The following KLF10 variants were observed in gnomAD, a reference collection of about 807,000 sequenced individuals.
KLF10 encodes KLF transcription factor 10.
KLF10 carries 17 observed loss-of-function variants against 31.6 expected under a neutral mutation model. The ratio of observed to expected loss-of-function variants is 0.54; its 90% CI spans 0.37 to 0.81. The LOEUF (loss-of-function observed/expected upper bound fraction) is 0.81. KLF10 is among the 30% of genes least tolerant of loss of function. The probability of loss-of-function intolerance (pLI) is 0.00; values close to 1 mark genes in which losing one functional copy is unlikely to be tolerated. For missense variants in KLF10, 525 were observed against 598.1 expected, an observed-to-expected ratio of 0.88 and a Z score of 1.27; for synonymous variants, 239 against 215.1, an observed-to-expected ratio of 1.11 and a Z score of -0.97.
chr8:102,653,430 A>G, intron 1 of KLF10: 1 of 1,507,056 alleles, frequency 6.6e-7, no homozygotes, highest in East Asian at 2.5e-5. Context: ...TTTATAGTAA[A>G]GTTCTTTGAA....
intron 1 of KLF10, chr8:102,653,472 T>A (rs1361567202): frequency 6.5e-7 from 1 of 1,548,844 alleles, no homozygotes; most frequent in African/African-American, 1.4e-5. Context: ...CTACTCACCA[T>A]TTCTCCTATT....
chr8:102,654,431 C>A (rs1363498254), intron 1 of KLF10: 1 of 151,116 alleles, frequency 6.6e-6, no homozygotes. Context: ...CTGGGTCACT[C>A]GGGGACGAGA....
chr8:102,652,665 G>A (rs1182510349), intron 1 of KLF10, among the ~76,000 whole-genome samples: 1 of 152,046 alleles, frequency 6.6e-6, no homozygotes, highest in African/African-American at 2.4e-5. Flanking sequence ...CTGATAAAGC[G>A]ATATCCGTTC....
chr8:102,654,000 C>T, intron 1 of KLF10: 1 of 985,026 alleles, frequency 1.0e-6, no homozygotes. Flanking sequence ...ACATTCCTCG[C>T]CGCTCGCACG....
chr8:102,651,955 G>A lies in KLF10; in HGVS notation c.377C>T (p.Ala126Val), dbSNP rs759149957. ...TVHFKSLSDT[A>V]KPHIAAPFKE... ...GAAAGGTGCGGCAATGTGAGGTTTGGCAGTATCTGAGAGTGACTTGAAGTG... is the reference window on the plus strand; with the variant it reads ...GAAAGGTGCGGCAATGTGAGGTTTGACAGTATCTGAGAGTGACTTGAAGTG... The change falls in exon 3 of 4, where the codon GCC (alanine) becomes GTC (valine). Residue 126 changes from alanine (A) to valine (V), a missense_variant. This residue lies in a region of KLF10 where 434 missense variants were observed against 450.7 expected (regional missense o/e 0.96). Coordinates refer to ENST00000285407, the MANE Select transcript of KLF10 (RefSeq NM_005655.4). 6.2e-7 allele frequency: 1 copy of A among 1,614,032 alleles called. No homozygotes were observed. The highest frequency in any genetic ancestry group is 1.1e-5 in the South Asian group (1 of 91,074).
At chr8:102,653,891 C>T in intron 1 of KLF10, 1 of 619,498 alleles carries the variant, frequency 1.6e-6, no homozygotes, top group Non-Finnish European at 1.8e-6. Flanking sequence ...GGGAGGCAGA[C>T]GAGGGGCGGG....
At position 102,655,668 on chromosome 8, in the gene KLF10, CG is replaced by C; in HGVS notation, c.-68del. On this transcript the variant is annotated 5_prime_UTR_variant, in exon 1 of 4. Transcript: ENST00000285407. ...AGGCTGCTGGCTGCTTGGCCACAGACGGGCGCACGGAGACACTCGACGCCGC... is the reference window on the plus strand; with the variant it reads ...AGGCTGCTGGCTGCTTGGCCACAGACGGCGCACGGAGACACTCGACGCCGC... 6.3e-7 allele frequency: 1 copy of C among 1,580,680 alleles called. No homozygotes were observed. Among genetic ancestry groups the C allele is most frequent in the Non-Finnish European group, 8.6e-7 (1 of 1,156,586 alleles).
At position 102,649,797 on chromosome 8, in the gene KLF10, T is replaced by C. The variant is rs1406935701; in HGVS notation, c.*335A>G. On this transcript the variant is annotated 3_prime_UTR_variant, in exon 4 of 4. Coordinates refer to ENST00000285407, the MANE Select transcript of KLF10 (RefSeq NM_005655.4). ...ATCACATTGAAAAGTTGGTCTCAAG[T>C]ATAAACAGCAAAAGTAAAGTAACAA... 3.5e-6 allele frequency: 1 copy of C among 288,828 alleles called. No individual in the cohort carries two copies. Among genetic ancestry groups the C allele is most frequent in the Non-Finnish European group, 6.5e-6 (1 of 153,128 alleles). 17.9% of individuals were successfully genotyped at this position (288,828 alleles called of 1,614,324 possible).
chr8:102,649,989 AGGCGGG>A lies in KLF10; in HGVS notation c.*137_*142del. 1 of 1,073,724 alleles carries A rather than the reference AGGCGGG, an allele frequency of 9.3e-7. No individual in the cohort carries two copies. The highest frequency in any genetic ancestry group is 1.3e-6 in the Non-Finnish European group (1 of 759,612). 66.5% of individuals were successfully genotyped at this position (1,073,724 alleles called of 1,614,324 possible). A position where few individuals can be genotyped will look rare whatever the true frequency, so the allele number is the denominator to read the frequency against. On this transcript the variant is annotated 3_prime_UTR_variant, in exon 4 of 4. Coordinates refer to ENST00000285407, the MANE Select transcript of KLF10 (RefSeq NM_005655.4). ...CGAAGCCCTTTTAGTCACCTAACCC[AGGCGGG>A]GCCTTCGTGCCAGGCTGTGGGGCTT...
chr8:102,651,165 G>A lies in KLF10; in HGVS notation c.1167C>T (p.His389=). Residue 389 remains histidine, a synonymous_variant, in exon 3 of 4, where the codon CAC becomes CAT. Transcript: ENST00000285407. ...GGCTGGTACCTGTGTGCGTCCTCGT[G>A]TGGGCCTTCAGATGGGAACTTTTAA... ...TYFKSSHLKA[H]TRTHTGEKPF... The A allele has an allele frequency of 6.6e-7, 1 of 1,510,606 alleles. No homozygotes were observed. Among genetic ancestry groups the A allele is most frequent in the African/African-American group, 1.4e-5 (1 of 71,724 alleles). The allele number at this position is 1,510,606 out of a possible 1,614,324, so 93.6% of individuals were successfully genotyped here.
chr8:102,649,953 C>T lies in KLF10; in HGVS notation c.*179G>A. On this transcript the variant is annotated 3_prime_UTR_variant, in exon 4 of 4. Coordinates refer to ENST00000285407, the MANE Select transcript of KLF10 (RefSeq NM_005655.4). ...GAAATGAAACCTGCCTTTCTGTGAC[C>T]TGCCTGTGGCCGAAGCCCTTTTAGT... 1.5e-6 allele frequency: 1 copy of T among 660,620 alleles called. No homozygotes were observed. Among genetic ancestry groups the T allele is most frequent in the East Asian group, 2.7e-5 (1 of 36,424 alleles). The allele number at this position is 660,620 out of a possible 1,614,324, so 40.9% of individuals were successfully genotyped here.
At chr8:102,653,983 A>G (rs1456602066) in intron 1 of KLF10, 2 of 985,292 alleles carry the variant, frequency 2.0e-6, no homozygotes, top group Non-Finnish European at 2.4e-6. Context: ...CGGGTGAGTC[A>G]CTGGGAACAT....
chr8:102,654,634 AC>A (rs1238114227), intron 1 of KLF10, among the ~76,000 whole-genome samples: 1 of 151,500 alleles, frequency 6.6e-6, no homozygotes, highest in Non-Finnish European at 1.5e-5. Flanking sequence ...CTCCCTGTAG[AC>A]GCGGCGCCCC....
chr8:102,651,799 A>G lies in KLF10; in HGVS notation c.533T>C (p.Leu178Pro), dbSNP rs760469271. 1.2e-6 allele frequency: 2 copies of G among 1,614,216 alleles called. No homozygotes were observed. ...TCTAAAAGAATTGTTCTGATAGTTG[A>G]GGATGCTGGCTGCTTTCATTGGGCA... ...QTCPMKAASI[L>P]NYQNNSFRRR... Residue 178 changes from leucine (L) to proline (P), a missense_variant, in exon 3 of 4, where the codon CTC becomes CCC. Around this residue, in one of 3 missense-constraint regions of KLF10, gnomAD observed 434 missense variants for 450.7 expected, o/e 0.96. Transcript: ENST00000285407.
rs985276127 is a variant in KLF10, at chr8:102,650,049, A to C, written c.*83T>G. The C allele has an allele frequency of 4.0e-6, 6 of 1,510,030 alleles. No individual in the cohort carries two copies. The highest frequency in any genetic ancestry group is 5.4e-6 in the Non-Finnish European group (6 of 1,116,558). 93.5% of individuals were successfully genotyped at this position (1,510,030 alleles called of 1,614,324 possible). Reference sequence around the variant, plus strand: ...CTTTAAGCCCACGTTGTGGGGCCACAGACTTGCAGTGGAAGCATTTTTACA... The same window carrying C: ...CTTTAAGCCCACGTTGTGGGGCCACCGACTTGCAGTGGAAGCATTTTTACA... On this transcript the variant is annotated 3_prime_UTR_variant, in exon 4 of 4. Coordinates refer to ENST00000285407, the MANE Select transcript of KLF10 (RefSeq NM_005655.4).
rs930044535 is a variant in KLF10 at position 102,653,617 on chromosome 8, G to T, written c.37-1220C>A. 26 of 1,334,506 alleles carry T rather than the reference G, an allele frequency of 1.9e-5. No homozygotes were observed. The African/African-American group carries it at 2.1e-4, about 11-fold the overall frequency. 82.7% of individuals were successfully genotyped at this position (1,334,506 alleles called of 1,614,324 possible). A position where few individuals can be genotyped will look rare whatever the true frequency, so the allele number is the denominator to read the frequency against. ...CAAAAATGCATGATGCCTTCGTGTT[G>T]AAATCCTAAGAAAACGAGCCATTGC... On this transcript the variant is annotated intron_variant, in intron 1 of 3. Transcript: ENST00000285407.
In KLF10 at chr8:102,652,257, G is replaced by A. The variant is rs759736839; in HGVS notation, c.177C>T (p.Tyr59=). 1.2e-5 allele frequency: 19 copies of A among 1,613,298 alleles called. No individual in the cohort carries two copies. Among genetic ancestry groups the A allele is most frequent in the Middle Eastern group, 1.6e-4 (1 of 6,062 alleles). ...SCSWKSDFKK[Y]VENRPVTPVS... is the part of the protein sequence containing the mutation. The stretch of plus-strand genomic sequence containing the variant: ...CTGGTGTAACAGGTCTGTTTTCAAC[G>A]TATTTCTTAAAATCAGACTTCCAAC... The change falls in exon 2 of 4, where the codon TAC becomes TAT. Residue 59 remains tyrosine (Y), a synonymous_variant. Coordinates refer to ENST00000285407, the MANE Select transcript of KLF10 (RefSeq NM_005655.4).
rs1239680759 is a variant in KLF10, at chr8:102,649,107, A to C, written c.*1025T>G. ...TCTACCCAACTACCTCCACATCCCC[A>C]AAAAACGCCTATAAATTAACAGGAC... On this transcript the variant is annotated 3_prime_UTR_variant, in exon 4 of 4. Coordinates refer to ENST00000285407, the MANE Select transcript of KLF10 (RefSeq NM_005655.4). 1 of 140,646 alleles carries C rather than the reference A, an allele frequency of 7.1e-6. No homozygotes were observed. Among genetic ancestry groups the C allele is most frequent in the Non-Finnish European group, 1.5e-5 (1 of 65,072 alleles). The allele number at this position is 140,646 out of a possible 1,614,324, so 8.7% of individuals were successfully genotyped here.
chr8:102,650,109 C>T lies in KLF10; in HGVS notation c.*23G>A. The T allele has an allele frequency of 1.2e-6, 2 of 1,612,490 alleles. No homozygotes were observed. Among genetic ancestry groups the T allele is most frequent in the South Asian group, 2.2e-5 (2 of 90,910 alleles). ...GCTCCCGCTGAGACCAAAGTTAGTT[C>T]TGACTCTTCACTTTCCGGTCTGTCA... is the stretch of plus-strand genomic sequence containing the variant. On this transcript the variant is annotated 3_prime_UTR_variant, in exon 4 of 4. Coordinates refer to ENST00000285407, the MANE Select transcript of KLF10 (RefSeq NM_005655.4).
Sources: gnomAD v4.1 joint callset for allele counts (sites outside exome capture counted in the v4.1 genomes callset) on GRCh38, gnomAD v4.1.1 for gene constraint, gnomAD v4.1.1 regional missense constraint, MANE v1.5 for transcripts, NCBI Gene and HGNC (gene_info 2026-07-23, HGNC 2026-07-21) for gene names.